The following SFMBT1 variants were observed in gnomAD, a reference collection of about 807,000 sequenced individuals.
SFMBT1 encodes Scm like with four mbt domains 1.
A neutral mutation model predicts 108.7 loss-of-function variants in SFMBT1; 32 were observed. The ratio of observed to expected loss-of-function variants is 0.29; its 90% confidence interval spans 0.22 to 0.40. The LOEUF (loss-of-function observed/expected upper bound fraction) is 0.40, where lower values mean the gene tolerates loss of function less well. Ranked by LOEUF, SFMBT1 falls within the 10% of genes least tolerant of loss-of-function variation. The pLI, the probability that SFMBT1 is intolerant of heterozygous loss-of-function variation, is 1.00. For missense variants in SFMBT1, 816 were observed against 1,059.6 expected (o/e 0.77, Z 3.19); for synonymous variants, 348 against 369.5 (o/e 0.94, Z 0.67).
chr3:53,023,628 G>A (rs1274093863), intron 1 of SFMBT1, among the ~76,000 whole-genome samples: 2 of 152,044 alleles, frequency 1.3e-5, no homozygotes, highest in Admixed American at 6.6e-5. Flanking sequence ...CAAACCCCCC[G>A]TCAGCTGTGC....
At chr3:52,998,417 T>G (rs1698417280) in intron 1 of SFMBT1, among the ~76,000 whole-genome samples, 1 of 149,374 alleles carries the variant, frequency 6.7e-6, no homozygotes, top group African/African-American at 2.4e-5. Context: ...AAAGAAAAAA[T>G]GTAGATCAAT....
At chr3:52,969,340 TGA>T (rs1704263227) in intron 1 of SFMBT1, 82 bp from the exon 2 acceptor site, 1 of 1,359,140 alleles carries the variant, frequency 7.4e-7, no homozygotes, top group Non-Finnish European at 9.6e-7. Context: ...CTCGACTGGT[TGA>T]GAGATGACAT....
Position 52,950,256 on chromosome 3 carries a change from A to G in SFMBT1, c.123+4061T>C, listed in dbSNP as rs192754332. ...TTCCACTTTGCCTTCTTAGCATATT[A>G]TATTTCTTTTAACTGTTTTTAGTAG... On this transcript the variant is annotated intron_variant, in intron 3 of 20. Transcript: ENST00000394752. Among the ~76,000 whole-genome samples, 21 of 152,224 alleles carry G rather than the reference A, an allele frequency of 1.4e-4. No individual in the cohort carries two copies. The East Asian group carries it at 3.5e-3, about 25-fold the overall frequency.
intron 1 of SFMBT1, among the ~76,000 whole-genome samples, chr3:52,984,119 T>C (rs1704821166): frequency 6.6e-6 from 1 of 152,092 alleles, no homozygotes; most frequent in Non-Finnish European, 1.5e-5. Context: ...CTTAAGCAAC[T>C]GGAAGGATAG....
Position 52,988,559 on chromosome 3 carries a change from TAAC to T in SFMBT1, c.-130-19304_-130-19302del, listed in dbSNP as rs376618398. 6.6e-3 allele frequency among the ~76,000 whole-genome samples: 1,000 copies of T among 152,292 alleles called. 94 individuals are homozygous for T. The South Asian group carries it at 0.18, about 28-fold the overall frequency. On this transcript the variant is annotated intron_variant, in intron 1 of 20. Coordinates refer to ENST00000394752, the MANE Select transcript of SFMBT1 (RefSeq NM_016329.4). ...ATACCTAAGAGGCATGCTGAACATTTAACAACAATGATACTAGGAACAAGTATT... is the reference window on the plus strand; with the variant it reads ...ATACCTAAGAGGCATGCTGAACATTTAACAATGATACTAGGAACAAGTATT...
chr3:52,957,827 T>G (rs921848042), intron 2 of SFMBT1, among the ~76,000 whole-genome samples: 2 of 152,202 alleles, frequency 1.3e-5, no homozygotes, highest in African/African-American at 4.8e-5. Flanking sequence ...CATTAAAGAC[T>G]TAAATGTAAA....
At chr3:52,960,769 C>G (rs1321301880) in intron 2 of SFMBT1, among the ~76,000 whole-genome samples, 1 of 152,120 alleles carries the variant, frequency 6.6e-6, no homozygotes, top group Non-Finnish European at 1.5e-5. Context: ...ACCCAAGTGT[C>G]CATCAACAGA....
chr3:52,905,279 G>A lies in SFMBT1; in HGVS notation c.2461-3C>T, dbSNP rs760671288. On this transcript the variant is annotated splice_region_variant and splice_polypyrimidine_tract_variant and intron_variant, in intron 20 of 20. Transcript: ENST00000394752. ...AACAGGGCCTGCCCATCAATTTCCTGTTAAAGCATAAAAGACAAATTATCT... is the reference window on the plus strand; with the variant it reads ...AACAGGGCCTGCCCATCAATTTCCTATTAAAGCATAAAAGACAAATTATCT... The A allele has an allele frequency of 5.0e-6, 8 of 1,610,518 alleles. No homozygotes were observed. The highest frequency in any genetic ancestry group is 3.4e-5 in the Admixed American group (2 of 59,358).
intron 17 of SFMBT1, among the ~76,000 whole-genome samples, chr3:52,910,197 T>C (rs886338376): frequency 1.3e-5 from 2 of 152,172 alleles, no homozygotes; most frequent in African/African-American, 4.8e-5. Context: ...CCTCTCTAAA[T>C]TTCTTCCCTT....
At chr3:53,016,037 T>C (rs1224370542) in intron 1 of SFMBT1, among the ~76,000 whole-genome samples, 2 of 152,192 alleles carry the variant, frequency 1.3e-5, no homozygotes, top group African/African-American at 2.4e-5. Flanking sequence ...CAGTATACTA[T>C]GGTTTTTCTT....
chr3:52,961,889 G>GT (rs1258976604), intron 2 of SFMBT1, among the ~76,000 whole-genome samples: 1 of 152,092 alleles, frequency 6.6e-6, no homozygotes, highest in Non-Finnish European at 1.5e-5. Flanking sequence ...TAAAAAATAA[G>GT]TAACAATTAA....
intron 4 of SFMBT1, among the ~76,000 whole-genome samples, chr3:52,938,298 T>C (rs1162887931): frequency 6.6e-6 from 1 of 152,228 alleles, no homozygotes; most frequent in African/African-American, 2.4e-5. Flanking sequence ...ATATTATTAA[T>C]ATGCATGGCC....
intron 14 of SFMBT1, among the ~76,000 whole-genome samples, chr3:52,914,322 C>T (rs896847858): frequency 6.6e-6 from 1 of 152,204 alleles, no homozygotes; most frequent in Non-Finnish European, 1.5e-5. Context: ...CTATAAAGCA[C>T]AGAGAAGCTC....
intron 2 of SFMBT1, among the ~76,000 whole-genome samples, chr3:52,967,032 T>G (rs1256003586): frequency 6.8e-6 from 1 of 147,764 alleles, no homozygotes; most frequent in Non-Finnish European, 1.5e-5. Context: ...ACACTACAAA[T>G]CAAAATGGAA....
intron 17 of SFMBT1, among the ~76,000 whole-genome samples, chr3:52,908,307 C>T (rs886592648): frequency 3.1e-4 from 47 of 152,090 alleles, no homozygotes; most frequent in African/African-American, 1.1e-3. Context: ...CTCTTGACCT[C>T]ATGATCTGCC....
At chr3:53,035,148 G>C (rs1023372903) in intron 1 of SFMBT1, among the ~76,000 whole-genome samples, 1 of 152,022 alleles carries the variant, frequency 6.6e-6, no homozygotes, top group African/African-American at 2.4e-5. Context: ...GACTGGGCCT[G>C]AGTGCTTCAA....
intron 4 of SFMBT1, among the ~76,000 whole-genome samples, chr3:52,939,791 T>C (rs1207179991): frequency 6.6e-6 from 1 of 152,094 alleles, no homozygotes; most frequent in African/African-American, 2.4e-5. Flanking sequence ...TCAGATAGTA[T>C]CCATGGTGCT....
chr3:52,912,555 C>G lies in SFMBT1; in HGVS notation c.1713G>C (p.Gly571=). Residue 571 remains glycine (G), a synonymous_variant, in exon 16 of 21, where the codon GGG becomes GGC. Coordinates refer to ENST00000394752, the MANE Select transcript of SFMBT1 (RefSeq NM_016329.4). The part of the protein sequence containing the change: ...LDKDSVWHGC[G]EVLKAKYKGK... ...CCACTCACTTGGCTTTTAGGACTTC[C>G]CCACATCCGTGCCACACAGAGTCTT... 16 of 1,614,004 alleles carry G rather than the reference C, an allele frequency of 9.9e-6. No homozygotes were observed. The highest frequency in any genetic ancestry group is 1.4e-5 in the Non-Finnish European group (16 of 1,179,916).
chr3:52,972,827 CCCCATCTCTACTAA>C, intron 1 of SFMBT1, among the ~76,000 whole-genome samples: 1 of 129,638 alleles, frequency 7.7e-6, no homozygotes, highest in Admixed American at 8.0e-5. Flanking sequence ...TGTGGTAAAA[CCCCATCTCTACTAA>C]ACACACACAC....
Sources: allele counts gnomAD v4.1 joint callset (sites outside exome capture counted in the v4.1 genomes callset), GRCh38; gene constraint gnomAD v4.1.1; transcripts MANE v1.5; gene names NCBI Gene and HGNC (gene_info 2026-07-23, HGNC 2026-07-21).